The following TSGA10 variants were observed in gnomAD, a reference collection of about 807,000 sequenced individuals.
TSGA10 encodes the protein testis specific 10.
In TSGA10, 43 loss-of-function variants were observed where a neutral mutation model predicts 96.6. The observed-to-expected ratio is 0.44, with a 90% CI of 0.35 to 0.57. The LOEUF is 0.57. TSGA10 is among the 20% of genes least tolerant of loss of function. The probability of loss-of-function intolerance (pLI) is 0.01; values close to 1 mark genes in which losing one functional copy is unlikely to be tolerated. For missense variants in TSGA10, 703 were observed against 834.4 expected (o/e 0.84, Z 1.94); for synonymous variants, 229 against 269.9 (o/e 0.85, Z 1.48).
At chr2:99,036,236 T>G (rs2081613998) in intron 16 of TSGA10, among the ~76,000 whole-genome samples, 1 of 152,260 alleles carries the variant, frequency 6.6e-6, no homozygotes, top group South Asian at 2.1e-4. Context: ...GCTCCCATTA[T>G]AAGTTATTTG....
intron 16 of TSGA10, among the ~76,000 whole-genome samples, chr2:99,048,075 C>T (rs967508504): frequency 2.0e-5 from 3 of 152,034 alleles, no homozygotes; most frequent in Non-Finnish European, 4.4e-5. Context: ...TAACAGAGGA[C>T]ACAAACAAAT....
At chr2:99,047,494 T>G (rs527779568) in intron 16 of TSGA10, among the ~76,000 whole-genome samples, 6 of 152,194 alleles carry the variant, frequency 3.9e-5, no homozygotes, top group East Asian at 1.9e-4. Flanking sequence ...TCTCAATAGA[T>G]GCAGAAAAGG....
intron 16 of TSGA10, among the ~76,000 whole-genome samples, chr2:99,038,441 TAAGTA>T (rs1165464857): frequency 6.6e-6 from 1 of 151,930 alleles, no homozygotes; most frequent in South Asian, 2.1e-4. Context: ...CATACAAACT[TAAGTA>T]AAGGGGTGGA....
intron 15 of TSGA10, among the ~76,000 whole-genome samples, chr2:99,067,466 A>T (rs888338394): frequency 2.0e-5 from 3 of 152,240 alleles, no homozygotes; most frequent in African/African-American, 7.2e-5. Flanking sequence ...TCTAAAAGTT[A>T]TAATCCCTAA....
chr2:99,078,544 A>G (rs116641605), intron 12 of TSGA10, 115 bp downstream of exon 12: 14,779 of 1,135,716 alleles, frequency 0.013, 141 homozygotes, highest in Non-Finnish European at 0.014. Flanking sequence ...AGCTTCTAGA[A>G]AAACATTTGA....
intron 10 of TSGA10, among the ~76,000 whole-genome samples, chr2:99,092,892 A>C (rs1322847238): frequency 1.3e-5 from 2 of 152,170 alleles, no homozygotes; most frequent in Non-Finnish European, 2.9e-5. Context: ...ATTTTCCCTA[A>C]ATCATTCTAT....
intron 10 of TSGA10, among the ~76,000 whole-genome samples, chr2:99,095,494 A>T (rs908012281): frequency 6.6e-6 from 1 of 152,320 alleles, no homozygotes; most frequent in Middle Eastern, 3.4e-3. Flanking sequence ...ATTCTTTAAA[A>T]AATTCTATTG....
chr2:99,086,971 A>G (rs929159648), intron 10 of TSGA10, among the ~76,000 whole-genome samples: 4 of 151,604 alleles, frequency 2.6e-5, no homozygotes, highest in African/African-American at 7.3e-5. Context: ...TTGGGAGGCC[A>G]AGGAGGGCGA....
At chr2:99,012,653 C>A (rs1465751300) in intron 20 of TSGA10, among the ~76,000 whole-genome samples, 1 of 152,052 alleles carries the variant, frequency 6.6e-6, no homozygotes, top group Non-Finnish European at 1.5e-5. Context: ...GTATATGCAC[C>A]TAACACTGGA....
chr2:99,010,741 A>G (rs1401895914), intron 20 of TSGA10, among the ~76,000 whole-genome samples: 2 of 152,246 alleles, frequency 1.3e-5, no homozygotes, highest in African/African-American at 2.4e-5. Flanking sequence ...TTTCTTGAGC[A>G]GAGTCCAGGG....
intron 16 of TSGA10, among the ~76,000 whole-genome samples, chr2:99,051,982 T>C (rs905446353): frequency 5.3e-5 from 8 of 151,820 alleles, no homozygotes; most frequent in Non-Finnish European, 2.9e-5. Flanking sequence ...GCTAAAGCAG[T>C]GCTTAGAAGA....
At chr2:99,011,329 G>A (rs1436284900) in intron 20 of TSGA10, among the ~76,000 whole-genome samples, 2 of 151,958 alleles carry the variant, frequency 1.3e-5, no homozygotes, top group South Asian at 2.1e-4. Context: ...ACGGGATTTC[G>A]CCATGTTGGC....
Position 99,008,959 on chromosome 2 carries a change from T to C in TSGA10, c.2072+9241A>G, listed in dbSNP as rs540424303. Among the ~76,000 whole-genome samples, 25 of 152,182 alleles carry C rather than the reference T, an allele frequency of 1.6e-4. No individual in the cohort carries two copies. In the South Asian group the frequency reaches 2.3e-3, roughly 14 times the overall value. ...CTTTTTGCATAAACAAAGAAAGATA[T>C]GTATCTGTGTATCATTAGCACAAAA... On this transcript the variant is annotated intron_variant, in intron 20 of 20. Transcript: ENST00000393483.
rs866553037 is a variant in TSGA10, at chr2:99,100,991, C to T, written c.611+2976G>A. Among the ~76,000 whole-genome samples the T allele has an allele frequency of 5.8e-4, 85 of 146,240 alleles. 1 individual carries two copies. The highest frequency in any genetic ancestry group is 3.0e-3 in the South Asian group (14 of 4,596). ...AAAAAAGCATAAATTAGGCTGGGCG[C>T]GGTGGCTCACGCCTGTAATCCCAGC... On this transcript the variant is annotated intron_variant, in intron 10 of 20. Coordinates refer to ENST00000393483, the MANE Select transcript of TSGA10 (RefSeq NM_025244.4).
intron 20 of TSGA10, among the ~76,000 whole-genome samples, chr2:99,000,317 G>T (rs2077779229): frequency 2.0e-5 from 3 of 150,176 alleles, no homozygotes; most frequent in African/African-American, 7.4e-5. Flanking sequence ...AGACCACCCT[G>T]CCCAACATGG....
At chr2:99,123,497 GTTACT>G (rs1295283686) in intron 2 of TSGA10, among the ~76,000 whole-genome samples, 3 of 151,846 alleles carry the variant, frequency 2.0e-5, no homozygotes, top group Admixed American at 6.6e-5. Flanking sequence ...TTTATTTTCA[GTTACT>G]TTATTTTTAA....
chr2:99,020,127 T>C (rs751637430), intron 18 of TSGA10, among the ~76,000 whole-genome samples, 153 bp downstream of exon 18: 4 of 152,116 alleles, frequency 2.6e-5, no homozygotes, highest in Non-Finnish European at 5.9e-5. Flanking sequence ...AAAAACATAA[T>C]AGAAAAAGTA....
Position 99,142,192 on chromosome 2 carries a change from C to A in TSGA10, c.-621+12501G>T, listed in dbSNP as rs547450121. 2.6e-4 allele frequency: 39 copies of A among 152,332 alleles called. No homozygotes were observed. In the East Asian group the frequency reaches 7.5e-3, roughly 29 times the overall value. The allele number at this position is 152,332 out of a possible 1,614,324, so 9.4% of individuals were successfully genotyped here. ...AGCCCAGAATGGGGGGGAAAAAAGT[C>A]TTCTTAATTTTTCTTAATACCTACC... On this transcript the variant is annotated intron_variant, in intron 1 of 20. Transcript: ENST00000393483.
chr2:99,109,352 AC>A, intron 6 of TSGA10, 36 bp downstream of exon 6: 7 of 1,608,250 alleles, frequency 4.4e-6, no homozygotes, highest in Non-Finnish European at 6.0e-6. Flanking sequence ...TGTCTGGGCA[AC>A]AAACTCCAAA....
Sources: gnomAD v4.1 joint callset for allele counts (sites outside exome capture counted in the v4.1 genomes callset) on GRCh38, gnomAD v4.1.1 for gene constraint, MANE v1.5 for transcripts, NCBI Gene and HGNC (gene_info 2026-07-23, HGNC 2026-07-21) for gene names.